RETREG3: variants seen among roughly 807,000 people sequenced by gnomAD.
RETREG3 encodes reticulophagy regulator 3.
A neutral mutation model predicts 50.2 loss-of-function variants in RETREG3; 23 were observed. The ratio of observed to expected loss-of-function variants is 0.46; its 90% CI spans 0.33 to 0.65. RETREG3 has a LOEUF of 0.65. RETREG3 is among the 30% of genes least tolerant of loss of function. The probability of loss-of-function intolerance (pLI) is 0.02; values close to 1 mark genes in which losing one functional copy is unlikely to be tolerated. For missense variants in RETREG3, 546 were observed against 598.0 expected, an observed-to-expected ratio of 0.91 and a Z score of 0.91; for synonymous variants, 240 against 234.4, an observed-to-expected ratio of 1.02 and a Z score of -0.22.
At chr17:42,599,912 T>C (rs2093155389) in intron 1 of RETREG3, among the ~76,000 whole-genome samples, 1 of 151,840 alleles carries the variant, frequency 6.6e-6, no homozygotes, top group South Asian at 2.1e-4. Context: ...GATGACAGCT[T>C]GAGTCCGGGA....
intron 5 of RETREG3, 69 bp from the exon 6 acceptor site, chr17:42,585,331 G>A (rs2093119311): frequency 8.2e-6 from 13 of 1,581,814 alleles, no homozygotes; most frequent in South Asian, 4.5e-5. Context: ...CAACTGTAGC[G>A]CTGCTATTGG....
intron 8 of RETREG3, 79 bp downstream of exon 8, chr17:42,582,595 A>T: frequency 6.4e-7 from 1 of 1,566,388 alleles, no homozygotes; most frequent in Non-Finnish European, 8.7e-7. Context: ...AGGGGCAAGC[A>T]CCAGTATCCC....
At chr17:42,591,280 A>G (rs551508409) in intron 2 of RETREG3, among the ~76,000 whole-genome samples, 7 of 151,058 alleles carry the variant, frequency 4.6e-5, no homozygotes, top group Non-Finnish European at 1.0e-4. Flanking sequence ...TTGTCACTTA[A>G]TTTTTCATTT....
chr17:42,590,936 C>T (rs1412514353), intron 2 of RETREG3, among the ~76,000 whole-genome samples: 2 of 152,196 alleles, frequency 1.3e-5, no homozygotes, highest in African/African-American at 4.8e-5. Context: ...CACTGCAGTC[C>T]AGCCTGGCCA....
rs748627890 is a variant in RETREG3 at position 42,582,119 on chromosome 17, C to G, written c.1095G>C (p.Glu365Asp). The G allele has an allele frequency of 6.2e-7, 1 of 1,614,122 alleles. No homozygotes were observed. The highest frequency in any genetic ancestry group is 1.1e-5 in the South Asian group (1 of 91,074). The change falls in exon 9 of 9, where the codon GAG becomes GAC. Residue 365 changes from glutamate to aspartate, a missense_variant. Transcript: ENST00000309428. ...SLMYRSPPGAEEPQAPPASRD... is the reference protein window; with the variant it reads ...SLMYRSPPGADEPQAPPASRD... ...GGCTGGCAGGTGGGGCCTGGGGCTC[C>G]TCAGCCCCTGGCGGAGAACGGTACA... is the stretch of plus-strand genomic sequence containing the variant.
intron 2 of RETREG3, among the ~76,000 whole-genome samples, chr17:42,590,284 T>A (rs1305351801): frequency 2.6e-5 from 4 of 152,086 alleles, no homozygotes; most frequent in Non-Finnish European, 5.9e-5. Flanking sequence ...GGTGGGAGGA[T>A]CACTTAAGCC....
intron 1 of RETREG3, among the ~76,000 whole-genome samples, chr17:42,603,044 A>G (rs748800795): frequency 1.1e-4 from 17 of 151,210 alleles, no homozygotes; most frequent in Admixed American, 6.6e-4. Flanking sequence ...ATATCCATTG[A>G]TTTTTTTTTC....
chr17:42,604,864 C>T (rs76189032), intron 1 of RETREG3, among the ~76,000 whole-genome samples: 7,115 of 152,122 alleles, frequency 0.047, 226 homozygotes, highest in Non-Finnish European at 0.071. Context: ...GTTACCCAAA[C>T]CTGTTCTTTT....
chr17:42,597,613 ATATATATTT>A (rs560569641), intron 1 of RETREG3, among the ~76,000 whole-genome samples: 7 of 53,722 alleles, frequency 1.3e-4, no homozygotes, highest in Non-Finnish European at 2.2e-4. Flanking sequence ...ATATATATAT[ATATATATTT>A]TTTTTTTTTT....
Position 42,609,319 on chromosome 17 carries a change from A to C in RETREG3, c.6T>G (p.Ala2=). 1.3e-6 allele frequency: 2 copies of C among 1,597,442 alleles called. No individual in the cohort carries two copies. The highest frequency in any genetic ancestry group is 1.7e-6 in the Non-Finnish European group (2 of 1,177,852). M[A]EAEGVPTTPG... ...GGGTCGTGGGAACCCCTTCGGCCTC[A>C]GCCATCTCCCCGCGGCAGCCACAAC... Residue 2 remains alanine, a synonymous_variant, in exon 1 of 9, where the codon GCT becomes GCG. Transcript: ENST00000309428.
At chr17:42,598,884 G>A (rs2093153231) in intron 1 of RETREG3, 1 of 152,002 alleles carries the variant, frequency 6.6e-6, no homozygotes, top group South Asian at 2.1e-4. Flanking sequence ...GCTGTAACAA[G>A]CAATTTAAAT....
At chr17:42,604,001 C>T (rs2093163117) in intron 1 of RETREG3, among the ~76,000 whole-genome samples, 1 of 117,022 alleles carries the variant, frequency 8.5e-6, no homozygotes, top group African/African-American at 3.7e-5. Flanking sequence ...GAAAAGAAAT[C>T]AGATGTGTAG....
chr17:42,586,709 T>C (rs1167960401), intron 4 of RETREG3, 56 bp downstream of exon 4: 3 of 1,581,280 alleles, frequency 1.9e-6, no homozygotes, highest in Non-Finnish European at 2.6e-6. Context: ...TGTTTCAGTT[T>C]AGCATGAACT....
chr17:42,596,099 T>C (rs999686889), intron 1 of RETREG3, among the ~76,000 whole-genome samples: 2 of 151,728 alleles, frequency 1.3e-5, no homozygotes, highest in Non-Finnish European at 2.9e-5. Flanking sequence ...CCGGGTGCAA[T>C]GGCTTACACC....
At chr17:42,582,456 C>T (rs1212105161) in intron 8 of RETREG3, among the ~76,000 whole-genome samples, 186 bp from the exon 9 acceptor site, 1 of 152,202 alleles carries the variant, frequency 6.6e-6, no homozygotes, top group Non-Finnish European at 1.5e-5. Flanking sequence ...TCTTCTATGT[C>T]CCCTGTGAGG....
At chr17:42,594,802 G>A (rs1365005966) in intron 1 of RETREG3, among the ~76,000 whole-genome samples, 1 of 151,768 alleles carries the variant, frequency 6.6e-6, no homozygotes, top group Non-Finnish European at 1.5e-5. Flanking sequence ...AGTGAGCTGA[G>A]ATTGCGCTAC....
chr17:42,590,321 T>C (rs1256022572), intron 2 of RETREG3, among the ~76,000 whole-genome samples: 1 of 152,080 alleles, frequency 6.6e-6, no homozygotes, highest in Non-Finnish European at 1.5e-5. Flanking sequence ...CAGTGAGCTA[T>C]GATCATGCCA....
At chr17:42,601,172 G>A (rs912854743) in intron 1 of RETREG3, among the ~76,000 whole-genome samples, 2 of 152,162 alleles carry the variant, frequency 1.3e-5, no homozygotes, top group Non-Finnish European at 2.9e-5. Context: ...AGCTACTCAG[G>A]AGGCTGAGGC....
chr17:42,589,584 C>A (rs1363416335), intron 2 of RETREG3, among the ~76,000 whole-genome samples: 1 of 152,168 alleles, frequency 6.6e-6, no homozygotes, highest in Non-Finnish European at 1.5e-5. Context: ...CAGGTGCACA[C>A]CACCATGCCT....
Sources: allele counts gnomAD v4.1 joint callset (sites outside exome capture counted in the v4.1 genomes callset), GRCh38; gene constraint gnomAD v4.1.1; transcripts MANE v1.5; gene names NCBI Gene and HGNC (gene_info 2026-07-23, HGNC 2026-07-21).